Variants in GRM5 observed in about 807,000 individuals in gnomAD.
GRM5 encodes glutamate metabotropic receptor 5.
A neutral mutation model predicts 83.1 loss-of-function variants in GRM5; 19 were observed. The ratio of observed to expected loss-of-function variants is 0.23; its 90% confidence interval spans 0.16 to 0.34. The LOEUF is 0.34. Among genes scored for constraint, GRM5 ranks in the 10% least tolerant of loss-of-function variants. The pLI is 1.00. For synonymous variants in GRM5, 675 were observed against 633.6 expected (o/e 1.07, Z -0.98); for missense variants, 1,160 against 1,588.3 (o/e 0.73, Z 4.58).
chr11:89,023,730 G>A (rs1941050027), intron 2 of GRM5, among the ~76,000 whole-genome samples: 1 of 151,768 alleles, frequency 6.6e-6, no homozygotes, highest in South Asian at 2.1e-4. Flanking sequence ...CATGTCTGCA[G>A]TCCCAGGTAC....
intron 3 of GRM5, among the ~76,000 whole-genome samples, chr11:88,767,077 A>T (rs1041512524): frequency 6.6e-6 from 1 of 151,870 alleles, no homozygotes; most frequent in African/African-American, 2.4e-5. Context: ...TGTCATAATC[A>T]CAGTTCACTT....
At chr11:89,022,697 G>T (rs1275522233) in intron 2 of GRM5, among the ~76,000 whole-genome samples, 4 of 151,912 alleles carry the variant, frequency 2.6e-5, no homozygotes, top group Admixed American at 2.0e-4. Flanking sequence ...TGGATAAAGA[G>T]TATTTTACTC....
At chr11:88,868,491 T>C (rs1417666071) in intron 2 of GRM5, among the ~76,000 whole-genome samples, 1 of 151,798 alleles carries the variant, frequency 6.6e-6, no homozygotes, top group African/African-American at 2.4e-5. Flanking sequence ...TTTTTTAATA[T>C]TAATTACACA....
At chr11:88,829,568 T>C (rs1057473437) in intron 3 of GRM5, among the ~76,000 whole-genome samples, 5 of 151,998 alleles carry the variant, frequency 3.3e-5, no homozygotes, top group African/African-American at 1.2e-4. Flanking sequence ...ATACAGAAAA[T>C]ATATAATTTA....
At chr11:88,571,832 A>C in intron 7 of GRM5, among the ~76,000 whole-genome samples, 1 of 152,174 alleles carries the variant, frequency 6.6e-6, no homozygotes, top group East Asian at 1.9e-4. Context: ...TAGATTGAAA[A>C]GGCAGGAGGC....
At chr11:88,729,473 A>C (rs559742802) in intron 3 of GRM5, among the ~76,000 whole-genome samples, 3 of 152,204 alleles carry the variant, frequency 2.0e-5, no homozygotes, top group Non-Finnish European at 4.4e-5. Flanking sequence ...TATAGATTTA[A>C]TGCTATCCCC....
At chr11:88,801,233 T>A (rs1943387479) in intron 3 of GRM5, among the ~76,000 whole-genome samples, 5 of 152,156 alleles carry the variant, frequency 3.3e-5, no homozygotes, top group Admixed American at 3.3e-4. Flanking sequence ...CATTGCCATG[T>A]AGATACTGAG....
intron 2 of GRM5, among the ~76,000 whole-genome samples, chr11:88,962,905 A>T (rs575416612): frequency 6.6e-6 from 1 of 152,202 alleles, no homozygotes; most frequent in Non-Finnish European, 1.5e-5. Flanking sequence ...CCTGGCCAAC[A>T]TGGTGAAACC....
intron 2 of GRM5, among the ~76,000 whole-genome samples, chr11:88,949,229 C>T (rs1255207333): frequency 2.6e-5 from 4 of 152,224 alleles, no homozygotes; most frequent in Admixed American, 2.6e-4. Context: ...TTTGTTTCAC[C>T]ATGAGCTCAC....
intron 7 of GRM5, among the ~76,000 whole-genome samples, chr11:88,568,399 T>G (rs1056054105): frequency 2.0e-4 from 31 of 151,768 alleles, no homozygotes; most frequent in African/African-American, 6.5e-4. Flanking sequence ...TTTGATGGAG[T>G]TGGGGATTTC....
intron 3 of GRM5, among the ~76,000 whole-genome samples, chr11:88,701,694 GC>G (rs1941039564): frequency 6.6e-6 from 1 of 152,088 alleles, no homozygotes; most frequent in African/African-American, 2.4e-5. Context: ...CATTGGTTTG[GC>G]CCAAAAAGGT....
At chr11:89,013,964 A>G (rs1027556816) in intron 2 of GRM5, among the ~76,000 whole-genome samples, 4 of 152,230 alleles carry the variant, frequency 2.6e-5, no homozygotes, top group African/African-American at 9.6e-5. Flanking sequence ...TTTGAAAAGT[A>G]TGGAAAGACT....
chr11:88,956,451 A>G (rs758694095), intron 2 of GRM5, among the ~76,000 whole-genome samples: 7 of 152,244 alleles, frequency 4.6e-5, no homozygotes, highest in Non-Finnish European at 1.0e-4. Context: ...TACAAATATT[A>G]CATTGTTCCT....
intron 2 of GRM5, among the ~76,000 whole-genome samples, chr11:88,967,125 A>G (rs1282182420): frequency 2.0e-5 from 3 of 151,942 alleles, no homozygotes; most frequent in Admixed American, 1.3e-4. Context: ...ACAGTGACAG[A>G]CAATCCAAGA....
intron 3 of GRM5, among the ~76,000 whole-genome samples, chr11:88,702,237 G>A (rs560522339): frequency 1.3e-5 from 2 of 152,104 alleles, no homozygotes; most frequent in East Asian, 3.9e-4. Flanking sequence ...CCTTATCTGA[G>A]GTATTCCCCA....
At chr11:89,018,227 G>A (rs1940905201) in intron 2 of GRM5, among the ~76,000 whole-genome samples, 1 of 152,018 alleles carries the variant, frequency 6.6e-6, no homozygotes, top group African/African-American at 2.4e-5. Context: ...AGTGTCTATA[G>A]GCCAAATAGT....
chr11:89,000,747 A>C (rs780767474), intron 2 of GRM5, among the ~76,000 whole-genome samples: 1 of 152,132 alleles, frequency 6.6e-6, no homozygotes, highest in Non-Finnish European at 1.5e-5. Context: ...CCCTAAAAGA[A>C]TTAAAGAAAA....
chr11:88,598,999 A>G (rs1937899656), intron 5 of GRM5, among the ~76,000 whole-genome samples: 1 of 152,208 alleles, frequency 6.6e-6, no homozygotes, highest in Non-Finnish European at 1.5e-5. Flanking sequence ...ACCTAAACCA[A>G]GCCTTTAGAT....
chr11:88,778,684 A>G (rs1166515776), intron 3 of GRM5, among the ~76,000 whole-genome samples: 1 of 152,188 alleles, frequency 6.6e-6, no homozygotes. Context: ...TTATTAGACA[A>G]CATTGGTCTA....
Sources: gnomAD v4.1 joint callset for allele counts (sites outside exome capture counted in the v4.1 genomes callset) on GRCh38, gnomAD v4.1.1 for gene constraint, MANE v1.5 for transcripts, NCBI Gene and HGNC (gene_info 2026-07-23, HGNC 2026-07-21) for gene names.